PPARA: variants seen among roughly 807,000 people sequenced by gnomAD.
PPARA encodes peroxisome proliferator activated receptor alpha, also known as peroxisome proliferator-activated receptor alpha.
Under a neutral mutation model 42.2 loss-of-function variants are expected in PPARA, and 22 were observed. That is an observed-to-expected ratio of 0.52 (90% confidence interval 0.37 to 0.74). PPARA has a LOEUF of 0.74. PPARA is among the 30% of genes least tolerant of loss of function. The pLI, the probability that PPARA is intolerant of heterozygous loss-of-function variation, is 0.00. For missense variants in PPARA, 465 were observed against 608.2 expected, an observed-to-expected ratio of 0.76 and a Z score of 2.48; for synonymous variants, 242 against 239.3, an observed-to-expected ratio of 1.01 and a Z score of -0.10.
chr22:46,166,431 A>G (rs1927071187), intron 2 of PPARA, among the ~76,000 whole-genome samples: 2 of 152,114 alleles, frequency 1.3e-5, no homozygotes, highest in South Asian at 4.1e-4. Context: ...CAGCCTGGCC[A>G]ACATGGTGAA....
At chr22:46,185,915 AAATATATATATATATATATATATAT>A (rs1930666907) in intron 3 of PPARA, among the ~76,000 whole-genome samples, 2 of 47,142 alleles carry the variant, frequency 4.2e-5, no homozygotes, top group African/African-American at 1.1e-4. Flanking sequence ...AAAAAAAAAA[AAATATATATATATATATATATATAT>A]ATATATATAT....
rs887558023 is a variant in PPARA, at chr22:46,180,551, C to T, written c.-43+3715C>T. On this transcript the variant is annotated intron_variant, in intron 3 of 8. Coordinates refer to ENST00000407236, the MANE Select transcript of PPARA (RefSeq NM_005036.6). The surrounding 1 kb of genome is among the most constrained non-coding windows in gnomAD (Gnocchi z 4.2). ...AGGCAGATAAGCTTAAGCTGCAAAA[C>T]ATGTTTTTCTTAAGATGTAAGGCAT... 6.6e-6 allele frequency among the ~76,000 whole-genome samples: 1 copy of T among 152,198 alleles called. No individual in the cohort carries two copies. The highest frequency in any genetic ancestry group is 2.4e-5 in the African/African-American group (1 of 41,448).
chr22:46,209,381 G>A (rs1175985971), intron 4 of PPARA, among the ~76,000 whole-genome samples: 1 of 152,128 alleles, frequency 6.6e-6, no homozygotes, highest in African/African-American at 2.4e-5. Flanking sequence ...AAATTCAGAA[G>A]ATTAGGCCAT....
At position 46,196,288 on chromosome 22, in the gene PPARA, C is replaced by T. The variant is rs551344082; in HGVS notation, c.-42-2054C>T. 6.4e-4 allele frequency among the ~76,000 whole-genome samples: 98 copies of T among 152,342 alleles called. No individual in the cohort carries two copies. The highest frequency in any genetic ancestry group is 2.3e-3 in the African/African-American group (97 of 41,568). On this transcript the variant is annotated intron_variant, in intron 3 of 8. Coordinates refer to ENST00000407236, the MANE Select transcript of PPARA (RefSeq NM_005036.6). This position sits in a 1 kb window ranked among gnomAD's most constrained non-coding sequence, Gnocchi z 5.6. ...AAATAGCCTACCATTGTCTGGGACT[C>T]ACCCAGTTAGATTTGTTTGGACTCC...
intron 7 of PPARA, chr22:46,220,376 G>A: frequency 2.9e-6 from 1 of 344,854 alleles, no homozygotes. Context: ...ATGCAGTGGT[G>A]CAATCATAGT....
intron 3 of PPARA, among the ~76,000 whole-genome samples, chr22:46,177,971 A>T (rs1214617530): frequency 6.6e-6 from 1 of 152,136 alleles, no homozygotes; most frequent in Admixed American, 6.5e-5. Flanking sequence ...CTAAGGATTT[A>T]TATCAGGATC....
At position 46,191,117 on chromosome 22, in the gene PPARA, C is replaced by T. The variant is rs1466886912; in HGVS notation, c.-42-7225C>T. On this transcript the variant is annotated intron_variant, in intron 3 of 8. Coordinates refer to ENST00000407236, the MANE Select transcript of PPARA (RefSeq NM_005036.6). The surrounding 1 kb of genome is among the most constrained non-coding windows in gnomAD (Gnocchi z 4.6). Reference sequence around the variant, plus strand: ...CTGAGGCACGAGAATCGCTTGAACCCGGGAGGCGTGGGGTTGCAGTGAGCC... The same window carrying T: ...CTGAGGCACGAGAATCGCTTGAACCTGGGAGGCGTGGGGTTGCAGTGAGCC... Among the ~76,000 whole-genome samples, 2 of 152,180 alleles carry T rather than the reference C, an allele frequency of 1.3e-5. No individual in the cohort carries two copies. The highest frequency in any genetic ancestry group is 4.1e-4 in the South Asian group (2 of 4,826).
At chr22:46,152,904 G>A (rs1569177639) in intron 2 of PPARA, among the ~76,000 whole-genome samples, 1 of 152,152 alleles carries the variant, frequency 6.6e-6, no homozygotes, top group Non-Finnish European at 1.5e-5. Flanking sequence ...GGCCAACATG[G>A]TGAAACCTTG....
rs1933896214 is a variant in PPARA, at chr22:46,211,222, T to A, written c.209-3951T>A. Reference sequence around the variant, plus strand: ...TATGAAGCCAAACATGAGTGTGTGCTGATGTCTCCAGCCCTCATCTGTTAC... The same window carrying A: ...TATGAAGCCAAACATGAGTGTGTGCAGATGTCTCCAGCCCTCATCTGTTAC... On this transcript the variant is annotated intron_variant, in intron 4 of 8. Coordinates refer to ENST00000407236, the MANE Select transcript of PPARA (RefSeq NM_005036.6). This position sits in a 1 kb window ranked among gnomAD's most constrained non-coding sequence, Gnocchi z 4.1. Among the ~76,000 whole-genome samples, 1 of 152,246 alleles carries A rather than the reference T, an allele frequency of 6.6e-6. No homozygotes were observed. The highest frequency in any genetic ancestry group is 1.5e-5 in the Non-Finnish European group (1 of 68,048).
chr22:46,207,681 T>TA (rs1569228322), intron 4 of PPARA, among the ~76,000 whole-genome samples: 76 of 111,350 alleles, frequency 6.8e-4, no homozygotes, highest in African/African-American at 2.1e-3. Context: ...ATTATTATTT[T>TA]TTTTTTTTTT....
rs929729262 is a variant in PPARA at position 46,236,559 on chromosome 22, T to C, written c.*1179T>C. On this transcript the variant is annotated 3_prime_UTR_variant, in exon 9 of 9. Coordinates refer to ENST00000407236, the MANE Select transcript of PPARA (RefSeq NM_005036.6). The surrounding 1 kb of genome is among the most constrained non-coding windows in gnomAD (Gnocchi z 5.2). Reference sequence around the variant, plus strand: ...AATGGTGGTGTTCTTAGGGACAGACTGACACCTTACTTGTCAGTGTTCCTC... The same window carrying C: ...AATGGTGGTGTTCTTAGGGACAGACCGACACCTTACTTGTCAGTGTTCCTC... 5 of 152,680 alleles carry C rather than the reference T, an allele frequency of 3.3e-5. No individual in the cohort carries two copies. Among genetic ancestry groups the C allele is most frequent in the Non-Finnish European group, 1.5e-5 (1 of 68,062 alleles). 9.5% of individuals were successfully genotyped at this position (152,680 alleles called of 1,614,324 possible). A position where few individuals can be genotyped will look rare whatever the true frequency, so the allele number is the denominator to read the frequency against.
intron 2 of PPARA, among the ~76,000 whole-genome samples, chr22:46,157,488 G>A (rs867929294): frequency 6.6e-6 from 1 of 152,304 alleles, no homozygotes; most frequent in South Asian, 2.1e-4. Flanking sequence ...TGTCCAATAT[G>A]TACCTCCCAT....
At position 46,219,967 on chromosome 22, in the gene PPARA, A is replaced by G; in HGVS notation, c.664A>G (p.Lys222Glu). ...CTACTTGAAGAACTTCAACATGAAC[A>G]AGGTCAAAGCCCGGGTCATCCTCTC... is the stretch of plus-strand genomic sequence containing the variant. Reference protein sequence around the residue: ...EAYLKNFNMNKVKARVILSGK... With the variant: ...EAYLKNFNMNEVKARVILSGK... Residue 222 changes from lysine (K) to glutamate (E), a missense_variant, in exon 7 of 9, where the codon AAG (lysine) becomes GAG (glutamate). Physicochemically the swap from Lys to Glu is moderately conservative, Grantham distance 56. Around this residue, in one of 2 missense-constraint regions of PPARA, gnomAD observed 313 missense variants for 469.1 expected, o/e 0.67. Coordinates refer to ENST00000407236, the MANE Select transcript of PPARA (RefSeq NM_005036.6). The surrounding 1 kb of genome is among the most constrained non-coding windows in gnomAD (Gnocchi z 4.8). The G allele has an allele frequency of 6.2e-7, 1 of 1,614,246 alleles. No homozygotes were observed. The highest frequency in any genetic ancestry group is 8.5e-7 in the Non-Finnish European group (1 of 1,180,040).
Position 46,234,091 on chromosome 22 carries a change from T to TG in PPARA, c.1160-1039dup, listed in dbSNP as rs1305689678. ...CACCCACCTCGGCCTCCCAAAGTGC[T>TG]GGGATTACAGGCATGAGCCACTGCA... On this transcript the variant is annotated intron_variant, in intron 8 of 8. Coordinates refer to ENST00000407236, the MANE Select transcript of PPARA (RefSeq NM_005036.6). The surrounding 1 kb of genome is among the most constrained non-coding windows in gnomAD (Gnocchi z 5.8). Among the ~76,000 whole-genome samples the TG allele has an allele frequency of 2.0e-5, 3 of 152,132 alleles. No homozygotes were observed. Among genetic ancestry groups the TG allele is most frequent in the Non-Finnish European group, 2.9e-5 (2 of 68,028 alleles).
chr22:46,215,238 G>A lies in PPARA; in HGVS notation c.274G>A (p.Glu92Lys). Residue 92 changes from glutamate to lysine, a missense_variant, in exon 5 of 9, where the codon GAG (glutamate) becomes AAG (lysine). By Grantham distance (56) the Glu-to-Lys change is moderately conservative. This residue lies in a region of PPARA where 152 missense variants were observed against 139.1 expected (regional missense o/e 1.09). Transcript: ENST00000407236. Reference sequence around the variant, plus strand: ...TCCTGTGGTCCCCGGCAGCGTGGACGAGTCTCCCAGTGGAGCATTGAACAT... The same window carrying A: ...TCCTGTGGTCCCCGGCAGCGTGGACAAGTCTCCCAGTGGAGCATTGAACAT... ...TYPVVPGSVDESPSGALNIEC... is the reference protein window; with the variant it reads ...TYPVVPGSVDKSPSGALNIEC... 4 of 1,614,076 alleles carry A rather than the reference G, an allele frequency of 2.5e-6. No homozygotes were observed. The highest frequency in any genetic ancestry group is 1.1e-5 in the South Asian group (1 of 91,074).
intron 4 of PPARA, 68 bp from the exon 5 acceptor site, chr22:46,215,105 A>G: frequency 2.5e-6 from 4 of 1,575,756 alleles, no homozygotes; most frequent in Non-Finnish European, 3.5e-6. Flanking sequence ...TCACATCCTC[A>G]TAGACCCGGT....
chr22:46,151,629 G>A (rs1601578506), intron 1 of PPARA, among the ~76,000 whole-genome samples: 1 of 152,368 alleles, frequency 6.6e-6, no homozygotes, highest in African/African-American at 2.4e-5. Context: ...TGGGACCTCC[G>A]GGGCTGCACG....
At position 46,221,258 on chromosome 22, in the gene PPARA, AC is replaced by A. The variant is rs1934978462; in HGVS notation, c.711+1249del. Among the ~76,000 whole-genome samples, 1 of 152,006 alleles carries A rather than the reference AC, an allele frequency of 6.6e-6. No homozygotes were observed. Among genetic ancestry groups the A allele is most frequent in the South Asian group, 2.1e-4 (1 of 4,806 alleles). Reference sequence around the variant, plus strand: ...GGTGCTAAACCATTCATGAAGGATCACCCCCATGATCCAGTCCCTCCCGCCA... The same window carrying A: ...GGTGCTAAACCATTCATGAAGGATCACCCCATGATCCAGTCCCTCCCGCCA... On this transcript the variant is annotated intron_variant, in intron 7 of 8. Transcript: ENST00000407236. This position sits in a 1 kb window ranked among gnomAD's most constrained non-coding sequence, Gnocchi z 5.9.
At chr22:46,185,408 A>G (rs1231041236) in intron 3 of PPARA, among the ~76,000 whole-genome samples, 1 of 152,092 alleles carries the variant, frequency 6.6e-6, no homozygotes, top group Non-Finnish European at 1.5e-5. Flanking sequence ...TTCTAGAGTG[A>G]GGACCATTTG....
Sources: gnomAD v4.1 joint callset for allele counts (sites outside exome capture counted in the v4.1 genomes callset) on GRCh38, gnomAD v4.1.1 for gene constraint, gnomAD v4.1.1 regional missense constraint, Gnocchi (gnomAD v3.1) non-coding constraint, MANE v1.5 for transcripts, NCBI Gene and HGNC (gene_info 2026-07-23, HGNC 2026-07-21) for gene names.